Variants in SEMA3E observed in about 807,000 individuals in gnomAD.
SEMA3E encodes the protein semaphorin-3E.
SEMA3E carries 49 observed loss-of-function variants against 93.6 expected under a neutral mutation model. That is an observed-to-expected ratio of 0.52 (90% CI 0.42 to 0.66). The LOEUF is 0.66. Ranked by LOEUF, SEMA3E falls within the 30% of genes least tolerant of loss-of-function variation. SEMA3E has a pLI of 0.00. For missense variants in SEMA3E, 906 were observed against 964.8 expected, an observed-to-expected ratio of 0.94 and a Z score of 0.81; for synonymous variants, 363 against 330.7, an observed-to-expected ratio of 1.10 and a Z score of -1.06.
intron 2 of SEMA3E, among the ~76,000 whole-genome samples, chr7:83,484,166 G>A (rs1274563896): frequency 6.6e-6 from 1 of 152,022 alleles, no homozygotes; most frequent in Non-Finnish European, 1.5e-5. Flanking sequence ...CAGATATGGT[G>A]GTGGCTTTTT....
chr7:83,429,366 G>GACCTT (rs1254107159), intron 4 of SEMA3E, among the ~76,000 whole-genome samples: 1 of 151,956 alleles, frequency 6.6e-6, no homozygotes, highest in African/African-American at 2.4e-5. Context: ...CACCCTAAGT[G>GACCTT]ACCTAACTTT....
At chr7:83,433,172 A>T (rs1406697064) in intron 4 of SEMA3E, among the ~76,000 whole-genome samples, 1 of 152,182 alleles carries the variant, frequency 6.6e-6, no homozygotes, top group African/African-American at 2.4e-5. Context: ...CAAAGATTAT[A>T]TGATGTGATC....
At chr7:83,530,010 G>A (rs554269217) in intron 1 of SEMA3E, among the ~76,000 whole-genome samples, 176 of 152,064 alleles carry the variant, frequency 1.2e-3, no homozygotes, top group Non-Finnish European at 2.3e-3. Flanking sequence ...CATCATATTT[G>A]AGTTCAAATT....
At chr7:83,559,264 G>A (rs910714057) in intron 1 of SEMA3E, among the ~76,000 whole-genome samples, 1 of 152,044 alleles carries the variant, frequency 6.6e-6, no homozygotes, top group East Asian at 1.9e-4. Context: ...AGATTGAAAG[G>A]TGATATATAC....
intron 1 of SEMA3E, among the ~76,000 whole-genome samples, chr7:83,618,865 T>A (rs1793486179): frequency 6.6e-6 from 1 of 151,932 alleles, no homozygotes; most frequent in African/African-American, 2.4e-5. Flanking sequence ...CATAATGGTT[T>A]ATCAAATATC....
chr7:83,387,110 C>A (rs1787897571), intron 14 of SEMA3E, 60 bp from the exon 15 acceptor site: 3 of 1,373,714 alleles, frequency 2.2e-6, no homozygotes, highest in Admixed American at 1.8e-5. Context: ...CTTTAAAATG[C>A]AGCCAATTGC....
At chr7:83,420,567 C>A (rs976709913) in intron 4 of SEMA3E, among the ~76,000 whole-genome samples, 4 of 152,104 alleles carry the variant, frequency 2.6e-5, no homozygotes, top group Non-Finnish European at 5.9e-5. Context: ...TATGTAACTT[C>A]AAACTATAGT....
At chr7:83,637,166 T>C (rs958179348) in intron 1 of SEMA3E, among the ~76,000 whole-genome samples, 5 of 152,086 alleles carry the variant, frequency 3.3e-5, no homozygotes, top group African/African-American at 1.2e-4. Context: ...CAATATACAT[T>C]GTATGGTACA....
intron 16 of SEMA3E, among the ~76,000 whole-genome samples, chr7:83,380,933 T>C (rs1291854613): frequency 6.6e-6 from 1 of 152,086 alleles, no homozygotes; most frequent in African/African-American, 2.4e-5. Context: ...CAAAGCACAT[T>C]GCTACAATGT....
At chr7:83,611,270 ATTTATATATTATATATTAAATT>A (rs1793249049) in intron 1 of SEMA3E, among the ~76,000 whole-genome samples, 4 of 143,838 alleles carry the variant, frequency 2.8e-5, no homozygotes, top group Non-Finnish European at 6.0e-5. Context: ...TTATATATAA[ATTTATATATTATATATTAAATT>A]TATATATTAT....
At chr7:83,463,160 A>C (rs1468311729) in intron 4 of SEMA3E, among the ~76,000 whole-genome samples, 1 of 92,416 alleles carries the variant, frequency 1.1e-5, no homozygotes, top group Non-Finnish European at 2.7e-5. Context: ...CTCAAACCCA[A>C]GCACCTTCTA....
At chr7:83,638,819 C>T (rs1204425153) in intron 1 of SEMA3E, among the ~76,000 whole-genome samples, 1 of 152,054 alleles carries the variant, frequency 6.6e-6, no homozygotes, top group Non-Finnish European at 1.5e-5. Flanking sequence ...CTTGTTAAAA[C>T]AGAGATTCCT....
At chr7:83,553,588 A>G (rs562131322) in intron 1 of SEMA3E, among the ~76,000 whole-genome samples, 1 of 152,256 alleles carries the variant, frequency 6.6e-6, no homozygotes, top group Admixed American at 6.5e-5. Context: ...TAATCAATAC[A>G]TGCTTGTTGA....
chr7:83,629,283 G>T (rs1793738046), intron 1 of SEMA3E, among the ~76,000 whole-genome samples: 1 of 152,174 alleles, frequency 6.6e-6, no homozygotes, highest in Non-Finnish European at 1.5e-5. Flanking sequence ...GAGGCCTGGG[G>T]ATCAGGGACC....
At chr7:83,394,493 A>G (rs1344253795) in intron 12 of SEMA3E, among the ~76,000 whole-genome samples, 155 bp from the exon 13 acceptor site, 3 of 152,178 alleles carry the variant, frequency 2.0e-5, no homozygotes, top group Non-Finnish European at 2.9e-5. Context: ...TGCAAACACA[A>G]TTAAAATGCA....
At chr7:83,501,092 T>A (rs1790588746) in intron 1 of SEMA3E, among the ~76,000 whole-genome samples, 1 of 152,232 alleles carries the variant, frequency 6.6e-6, no homozygotes, top group Non-Finnish European at 1.5e-5. Flanking sequence ...CTTAATAAGA[T>A]ACTATTATTT....
intron 4 of SEMA3E, among the ~76,000 whole-genome samples, chr7:83,438,268 AC>A (rs1319270819): frequency 6.6e-6 from 1 of 152,132 alleles, no homozygotes; most frequent in African/African-American, 2.4e-5. Flanking sequence ...AATTAACCTG[AC>A]TTTAAATTTA....
At chr7:83,546,088 T>C (rs1791645215) in intron 1 of SEMA3E, among the ~76,000 whole-genome samples, 1 of 148,610 alleles carries the variant, frequency 6.7e-6, no homozygotes, top group Non-Finnish European at 1.5e-5. Flanking sequence ...AGTATTATAA[T>C]GTATCAGTAT....
chr7:83,512,346 G>A (rs3801519), intron 1 of SEMA3E, among the ~76,000 whole-genome samples: 11,959 of 152,204 alleles, frequency 0.079, 585 homozygotes, highest in South Asian at 0.2. Context: ...TAAGCTGTAT[G>A]TACACTGTTA....
Sources: gnomAD v4.1 joint callset for allele counts (sites outside exome capture counted in the v4.1 genomes callset) on GRCh38, gnomAD v4.1.1 for gene constraint, MANE v1.5 for transcripts, NCBI Gene and HGNC (gene_info 2026-07-23, HGNC 2026-07-21) for gene names.